The following TMEM74 variants were observed in gnomAD, a reference collection of about 807,000 sequenced individuals.
TMEM74 encodes transmembrane protein 74.
TMEM74 carries 13 observed loss-of-function variants against 18.1 expected under a neutral mutation model. The observed-to-expected ratio is 0.72, with a 90% CI of 0.47 to 1.14. The LOEUF (loss-of-function observed/expected upper bound fraction) is 1.14. Ranked by LOEUF, TMEM74 falls within the 50% of genes most tolerant of loss-of-function variation. The pLI is 0.00. For missense variants in TMEM74, 372 were observed against 375.9 expected, an observed-to-expected ratio of 0.99 and a Z score of 0.09; for synonymous variants, 159 against 146.6, an observed-to-expected ratio of 1.08 and a Z score of -0.61.
chr8:108,691,962 G>A (rs111597597), intron 1 of TMEM74, among the ~76,000 whole-genome samples: 4,460 of 152,180 alleles, frequency 0.029, 118 homozygotes, highest in African/African-American at 0.066. Flanking sequence ...TAAGAGAGAG[G>A]GAGAGGAATA....
chr8:108,624,177 G>T (rs1453563473), intron 2 of TMEM74, among the ~76,000 whole-genome samples: 1 of 151,988 alleles, frequency 6.6e-6, no homozygotes, highest in Non-Finnish European at 1.5e-5. Flanking sequence ...AGATTCTCTT[G>T]CCTTTATTTT....
chr8:108,637,209 A>T (rs372508889), intron 2 of TMEM74, among the ~76,000 whole-genome samples: 1 of 152,168 alleles, frequency 6.6e-6, no homozygotes, highest in Non-Finnish European at 1.5e-5. Context: ...CAATAAGCTT[A>T]TAAATCAGAA....
At chr8:108,728,182 A>G (rs986121914) in intron 1 of TMEM74, among the ~76,000 whole-genome samples, 1 of 152,156 alleles carries the variant, frequency 6.6e-6, no homozygotes, top group Non-Finnish European at 1.5e-5. Flanking sequence ...GTGGGAGAAA[A>G]GTGGGCCAAG....
chr8:108,609,427 C>A (rs1342601974), intron 2 of TMEM74, among the ~76,000 whole-genome samples: 1 of 152,138 alleles, frequency 6.6e-6, no homozygotes. Flanking sequence ...AAGGGTGGAT[C>A]ACTTGAGGTC....
At chr8:108,786,511 G>A (rs917927373) in intron 1 of TMEM74, among the ~76,000 whole-genome samples, 6 of 152,108 alleles carry the variant, frequency 3.9e-5, no homozygotes, top group Non-Finnish European at 8.8e-5. Flanking sequence ...ATGGGAGAGG[G>A]AATTGACATG....
chr8:108,633,010 A>G (rs1812570297), intron 2 of TMEM74, among the ~76,000 whole-genome samples: 1 of 151,958 alleles, frequency 6.6e-6, no homozygotes, highest in Non-Finnish European at 1.5e-5. Flanking sequence ...TGTTCAAATA[A>G]TGGTCCCATT....
At chr8:108,732,151 C>G (rs1813701801) in intron 1 of TMEM74, among the ~76,000 whole-genome samples, 1 of 152,040 alleles carries the variant, frequency 6.6e-6, no homozygotes, top group Non-Finnish European at 1.5e-5. Flanking sequence ...TTAAAAATAC[C>G]ATTTACAGTA....
At chr8:108,658,271 C>T (rs1211654432) in intron 1 of TMEM74, among the ~76,000 whole-genome samples, 1 of 151,990 alleles carries the variant, frequency 6.6e-6, no homozygotes, top group African/African-American at 2.4e-5. Context: ...ATCAGTCTTT[C>T]CACCTAGAAG....
chr8:108,610,948 C>T (rs1812328169), intron 2 of TMEM74, among the ~76,000 whole-genome samples: 1 of 152,126 alleles, frequency 6.6e-6, no homozygotes. Flanking sequence ...AGGTATGATA[C>T]ATTTGTGCTG....
chr8:108,613,351 A>G (rs1278984720), intron 2 of TMEM74, among the ~76,000 whole-genome samples: 1 of 152,226 alleles, frequency 6.6e-6, no homozygotes, highest in African/African-American at 2.4e-5. Flanking sequence ...GGGTCCCACC[A>G]ACATCATTTC....
intron 1 of TMEM74, among the ~76,000 whole-genome samples, chr8:108,765,488 C>A (rs1472181085): frequency 6.7e-6 from 1 of 148,512 alleles, no homozygotes; most frequent in Non-Finnish European, 1.5e-5. Context: ...CTCACTGCAA[C>A]CTCCATCTCC....
At chr8:108,726,538 A>G (rs1813640099) in intron 1 of TMEM74, among the ~76,000 whole-genome samples, 1 of 152,232 alleles carries the variant, frequency 6.6e-6, no homozygotes, top group Non-Finnish European at 1.5e-5. Context: ...GGTGTAACAA[A>G]TGAGTTTGGT....
chr8:108,619,871 CTT>C (rs1812422248), intron 2 of TMEM74, among the ~76,000 whole-genome samples: 2 of 152,260 alleles, frequency 1.3e-5, no homozygotes, highest in African/African-American at 4.8e-5. Flanking sequence ...CCACATAACT[CTT>C]TGTGGGAGAA....
chr8:108,674,607 C>T (rs771263169), intron 1 of TMEM74, among the ~76,000 whole-genome samples: 1 of 152,174 alleles, frequency 6.6e-6, no homozygotes, highest in Non-Finnish European at 1.5e-5. Context: ...TGCTTAAGGT[C>T]AGGCCTTGTC....
intron 1 of TMEM74, among the ~76,000 whole-genome samples, chr8:108,708,237 T>C (rs1222403549): frequency 3.4e-5 from 5 of 148,770 alleles, no homozygotes; most frequent in Admixed American, 6.8e-5. Context: ...TAGTATTCCA[T>C]GGTGTATATG....
In TMEM74 at chr8:108,781,225, TAAC is replaced by T. The variant is rs1362489267; in HGVS notation, c.*2953_*2955del. On this transcript the variant is annotated 3_prime_UTR_variant, in exon 2 of 2. Transcript: ENST00000297459. The stretch of plus-strand genomic sequence containing the variant: ...GACTAGCAATAAAAACTTTCACAGG[TAAC>T]AACCAGCACCATATTGAAGAGACAG... Among the ~76,000 whole-genome samples the T allele has an allele frequency of 1.3e-5, 2 of 152,122 alleles. No homozygotes were observed. Among genetic ancestry groups the T allele is most frequent in the Non-Finnish European group, 2.9e-5 (2 of 68,010 alleles).
chr8:108,635,844 C>T (rs779411793), intron 2 of TMEM74, among the ~76,000 whole-genome samples: 9 of 152,046 alleles, frequency 5.9e-5, no homozygotes, highest in Non-Finnish European at 8.8e-5. Flanking sequence ...GACACTTAAT[C>T]TCATCTTTGC....
chr8:108,730,328 G>A (rs930090583), intron 1 of TMEM74, among the ~76,000 whole-genome samples: 13 of 152,152 alleles, frequency 8.5e-5, no homozygotes, highest in Admixed American at 7.9e-4. Flanking sequence ...GCTTGCAGAA[G>A]ACTCTGGAGC....
chr8:108,649,390 A>G (rs1399778951), intron 2 of TMEM74, among the ~76,000 whole-genome samples: 3 of 152,170 alleles, frequency 2.0e-5, no homozygotes, highest in Admixed American at 2.0e-4. Flanking sequence ...ATGGCAAATA[A>G]AAAGTAGGAA....
Sources: allele counts gnomAD v4.1 joint callset (sites outside exome capture counted in the v4.1 genomes callset), GRCh38; gene constraint gnomAD v4.1.1; transcripts MANE v1.5; gene names NCBI Gene and HGNC (gene_info 2026-07-23, HGNC 2026-07-21).